Variants in TMEM177 observed in about 807,000 individuals in gnomAD.
TMEM177 encodes transmembrane protein 177.
TMEM177 carries 4 observed loss-of-function variants against 14.2 expected under a neutral mutation model. That is an observed-to-expected ratio of 0.28 (90% CI 0.14 to 0.64). The LOEUF (loss-of-function observed/expected upper bound fraction) is 0.64, where lower values mean the gene tolerates loss of function less well. Ranked by LOEUF, TMEM177 falls within the 30% of genes least tolerant of loss-of-function variation. TMEM177 has a pLI of 0.82. For missense variants in TMEM177, 344 were observed against 405.2 expected (o/e 0.85, Z 1.30); for synonymous variants, 179 against 174.5 (o/e 1.03, Z -0.20).
chr2:119,688,142 A>T (rs1236826366), downstream of TMEM177, among the ~76,000 whole-genome samples: 1 of 152,210 alleles, frequency 6.6e-6, no homozygotes, highest in Non-Finnish European at 1.5e-5. Flanking sequence ...TATGAAGACT[A>T]CAGTAGAAGC....
downstream of TMEM177, among the ~76,000 whole-genome samples, chr2:119,691,372 C>T (rs796191705): frequency 6.2e-4 from 95 of 152,204 alleles, no homozygotes; most frequent in African/African-American, 2.2e-3. Flanking sequence ...CCTGAGGAAA[C>T]GGAGCATAGT....
At chr2:119,703,110 G>A in the TMEM177 span, among the ~76,000 whole-genome samples, 2 of 152,362 alleles carry the variant, frequency 1.3e-5, no homozygotes, top group African/African-American at 2.4e-5. Flanking sequence ...AGCTAGGAGC[G>A]CCTCCTCGCT....
the TMEM177 span, among the ~76,000 whole-genome samples, chr2:119,710,930 A>G: frequency 6.6e-6 from 1 of 152,194 alleles, no homozygotes; most frequent in Non-Finnish European, 1.5e-5. Context: ...CATCTTGAGA[A>G]CAGCAGTAGA....
the TMEM177 span, among the ~76,000 whole-genome samples, chr2:119,721,522 A>C: frequency 1.3e-5 from 2 of 152,188 alleles, no homozygotes; most frequent in Admixed American, 1.3e-4. Flanking sequence ...CCTGAGAGGG[A>C]TTGTGGGAAC....
the TMEM177 span, among the ~76,000 whole-genome samples, chr2:119,706,926 T>G: frequency 1.4e-5 from 2 of 142,642 alleles, no homozygotes; most frequent in Non-Finnish European, 3.0e-5. Context: ...TTTATTTTAT[T>G]TTTGAGAAGG....
At chr2:119,679,813 C>T (rs1309546519) in intron 1 of TMEM177, among the ~76,000 whole-genome samples, 2 of 152,174 alleles carry the variant, frequency 1.3e-5, no homozygotes, top group African/African-American at 4.8e-5. Context: ...TTGGTATATG[C>T]TTGTAATTTG....
chr2:119,692,051 C>T, the TMEM177 span, among the ~76,000 whole-genome samples: 1 of 152,222 alleles, frequency 6.6e-6, no homozygotes, highest in East Asian at 1.9e-4. Context: ...GCCACAGCTT[C>T]CCATCCTGTC....
At chr2:119,708,225 C>T in the TMEM177 span, among the ~76,000 whole-genome samples, 1 of 152,154 alleles carries the variant, frequency 6.6e-6, no homozygotes, top group Non-Finnish European at 1.5e-5. Flanking sequence ...CTCATACAAA[C>T]CATACAAGAA....
downstream of TMEM177, chr2:119,685,922 C>G (rs973772609): frequency 1.8e-6 from 1 of 555,790 alleles, no homozygotes; most frequent in Non-Finnish European, 3.2e-6. Flanking sequence ...GCAGAACTTC[C>G]GAGGAGACCC....
the TMEM177 span, among the ~76,000 whole-genome samples, chr2:119,696,674 C>T: frequency 6.6e-6 from 1 of 152,134 alleles, no homozygotes; most frequent in East Asian, 1.9e-4. Flanking sequence ...TGGCCAAGGA[C>T]AGCCTACACT....
At chr2:119,715,122 C>T in the TMEM177 span, among the ~76,000 whole-genome samples, 1 of 152,192 alleles carries the variant, frequency 6.6e-6, no homozygotes, top group Admixed American at 6.5e-5. Flanking sequence ...GTGGCTCACA[C>T]CTGTAATCCC....
At position 119,681,077 on chromosome 2, in the gene TMEM177, C is replaced by T. The variant is rs1203196853; in HGVS notation, c.224C>T (p.Pro75Leu). 3 of 1,614,250 alleles carry T rather than the reference C, an allele frequency of 1.9e-6. No individual in the cohort carries two copies. The highest frequency in any genetic ancestry group is 2.5e-6 in the Non-Finnish European group (3 of 1,180,052). ...FQEVLQDIGV[P>L]SGHCYKPFTT... is the part of the protein sequence containing the mutation. The stretch of plus-strand genomic sequence containing the variant: ...GAGGTGCTACAGGACATAGGTGTTC[C>T]TTCAGGCCATTGCTACAAGCCCTTC... Residue 75 changes from proline to leucine, a missense_variant, in exon 2 of 2, where the codon CCT becomes CTT. Physicochemically the swap from Pro to Leu is moderately conservative, Grantham distance 98. Coordinates refer to ENST00000272521, the MANE Select transcript of TMEM177 (RefSeq NM_030577.3).
downstream of TMEM177, among the ~76,000 whole-genome samples, chr2:119,690,887 T>G (rs1047008491): frequency 6.6e-6 from 1 of 152,194 alleles, no homozygotes; most frequent in Non-Finnish European, 1.5e-5. Context: ...TTCCCTAATT[T>G]TATCCACTTG....
chr2:119,721,428 C>T, the TMEM177 span, among the ~76,000 whole-genome samples: 3 of 152,326 alleles, frequency 2.0e-5, no homozygotes, highest in Admixed American at 2.0e-4. Context: ...GTCCTATGCT[C>T]TTGATTGATA....
At chr2:119,709,962 C>T in the TMEM177 span, among the ~76,000 whole-genome samples, 2 of 151,974 alleles carry the variant, frequency 1.3e-5, no homozygotes, top group Non-Finnish European at 2.9e-5. Flanking sequence ...AGATGGAGAG[C>T]AGATTGGTGG....
At chr2:119,711,753 G>A in the TMEM177 span, among the ~76,000 whole-genome samples, 3 of 152,152 alleles carry the variant, frequency 2.0e-5, no homozygotes. Flanking sequence ...AGCAAACTGA[G>A]GACTCTTCGT....
chr2:119,712,501 C>T, the TMEM177 span, among the ~76,000 whole-genome samples: 1 of 152,088 alleles, frequency 6.6e-6, no homozygotes. Context: ...AATTTGGATA[C>T]ACAGAGACAC....
the TMEM177 span, among the ~76,000 whole-genome samples, chr2:119,710,450 C>T: frequency 6.6e-6 from 1 of 152,146 alleles, no homozygotes; most frequent in Non-Finnish European, 1.5e-5. Flanking sequence ...AAGCCCTACC[C>T]GCGAGTTTCG....
the TMEM177 span, among the ~76,000 whole-genome samples, chr2:119,713,443 A>G: frequency 2.4e-4 from 37 of 152,304 alleles, no homozygotes; most frequent in African/African-American, 8.7e-4. Flanking sequence ...GACTTGTCAT[A>G]TATTAGGCCA....
Sources: allele counts gnomAD v4.1 joint callset (sites outside exome capture counted in the v4.1 genomes callset), GRCh38; gene constraint gnomAD v4.1.1; transcripts MANE v1.5; gene names NCBI Gene and HGNC (gene_info 2026-07-23, HGNC 2026-07-21).